PKIB: variants seen among roughly 807,000 people sequenced by gnomAD.
PKIB encodes the protein PKI-beta.
A neutral mutation model predicts 4.5 loss-of-function variants in PKIB; 2 were observed. The observed-to-expected ratio is 0.44, with a 90% CI of 0.18 to 1.39. The LOEUF is 1.39. PKIB is among the 40% of genes most tolerant of loss of function. PKIB has a pLI of 0.27. For synonymous variants in PKIB, 38 were observed against 36.0 expected (o/e 1.06, Z -0.20); for missense variants, 94 against 92.6 (o/e 1.02, Z -0.06).
intron 3 of PKIB, among the ~76,000 whole-genome samples, chr6:122,677,845 T>C (rs1191504885): frequency 2.7e-5 from 1 of 37,422 alleles, no homozygotes; most frequent in Admixed American, 3.1e-4. Flanking sequence ...TTTCTTTTCT[T>C]CCTTCCTTCC....
intron 3 of PKIB, among the ~76,000 whole-genome samples, chr6:122,590,993 A>T (rs1229387352): frequency 3.9e-5 from 6 of 152,048 alleles, no homozygotes; most frequent in African/African-American, 1.4e-4. Flanking sequence ...CTTATCATGG[A>T]GTATCTTTCA....
At chr6:122,520,470 GTC>G (rs1164547705) in intron 2 of PKIB, among the ~76,000 whole-genome samples, 2 of 152,152 alleles carry the variant, frequency 1.3e-5, no homozygotes, top group African/African-American at 4.8e-5. Context: ...TATCAAGAGT[GTC>G]TATTTACCAT....
Position 122,574,736 on chromosome 6 carries a change from A to G in PKIB, c.-247-11185A>G, listed in dbSNP as rs796237915. On this transcript the variant is annotated intron_variant, in intron 2 of 6. Transcript: ENST00000392491. Reference sequence around the variant, plus strand: ...ACTAGATCCTCATCTCTCACCTTCTACAAAAATCAACTCAAGATCAATCAA... The same window carrying G: ...ACTAGATCCTCATCTCTCACCTTCTGCAAAAATCAACTCAAGATCAATCAA... 4.1e-4 allele frequency among the ~76,000 whole-genome samples: 63 copies of G among 152,318 alleles called. 1 individual carries two copies. Among genetic ancestry groups the G allele is most frequent in the African/African-American group, 1.3e-3 (54 of 41,582 alleles).
At chr6:122,595,611 C>T (rs973871772) in intron 3 of PKIB, among the ~76,000 whole-genome samples, 9 of 152,160 alleles carry the variant, frequency 5.9e-5, no homozygotes, top group Non-Finnish European at 1.2e-4. Flanking sequence ...TCCAATATAA[C>T]CAACTTGCCA....
intron 2 of PKIB, among the ~76,000 whole-genome samples, chr6:122,635,417 A>T (rs6919740): frequency 0.34 from 51,582 of 151,882 alleles, 9,461 homozygotes; most frequent in Middle Eastern, 0.44. Context: ...TCTTATTTTC[A>T]TCAGCTATTT....
At position 122,561,994 on chromosome 6, in the gene PKIB, G is replaced by GTTTTTTTTTTTTTTTTTTTTTT; in HGVS notation, c.-247-23918_-247-23917insTTTTTTTTTTTTTTTTTTTTTT. Among the ~76,000 whole-genome samples the GTTTTTTTTTTTTTTTTTTTTTT allele has an allele frequency of 3.3e-3, 135 of 40,904 alleles. 19 individuals carry two copies. Among genetic ancestry groups the GTTTTTTTTTTTTTTTTTTTTTT allele is most frequent in the African/African-American group, 3.7e-3 (41 of 11,092 alleles). The allele number at this position is 40,904 out of a possible 152,430, so 26.8% of individuals were successfully genotyped here. On this transcript the variant is annotated intron_variant, in intron 2 of 6. Transcript: ENST00000392491. ...GCATAGTTTTTTTTTGTTTGTTTTT[G>GTTTTTTTTTTTTTTTTTTTTTT]TTTTTTTTTGTTTTTTTTTTTTTTT...
chr6:122,703,535 T>C (rs1307119644), intron 3 of PKIB, among the ~76,000 whole-genome samples: 1 of 151,982 alleles, frequency 6.6e-6, no homozygotes, highest in Non-Finnish European at 1.5e-5. Context: ...GATACTGTAA[T>C]ACAATGAACT....
chr6:122,599,986 TATATCTATATC>T (rs1358339406), intron 3 of PKIB, among the ~76,000 whole-genome samples: 12 of 82,266 alleles, frequency 1.5e-4, no homozygotes, highest in African/African-American at 8.0e-4. Context: ...TATCTATATC[TATATCTATATC>T]TATATCTATA....
upstream of PKIB, among the ~76,000 whole-genome samples, chr6:122,607,075 G>T (rs891221484): frequency 2.0e-5 from 3 of 147,442 alleles, no homozygotes; most frequent in African/African-American, 5.0e-5. Context: ...AGTCCCCTTG[G>T]TAAAAAAAAA....
intron 3 of PKIB, 136 bp from the exon 4 acceptor site, chr6:122,717,651 C>G: frequency 1.2e-6 from 1 of 832,310 alleles, no homozygotes; most frequent in Non-Finnish European, 1.9e-6. Flanking sequence ...TAACAGTAGA[C>G]ATTGATGAAG....
intron 3 of PKIB, among the ~76,000 whole-genome samples, chr6:122,678,259 G>A (rs1777763589): frequency 6.6e-6 from 1 of 152,184 alleles, no homozygotes; most frequent in African/African-American, 2.4e-5. Flanking sequence ...CCAGCTCTAT[G>A]AAAGTGAGAG....
chr6:122,647,882 C>A (rs955441692), intron 2 of PKIB, among the ~76,000 whole-genome samples: 1 of 152,222 alleles, frequency 6.6e-6, no homozygotes, highest in Admixed American at 6.5e-5. Flanking sequence ...CTTAGCCTGG[C>A]GGCGTGACCC....
upstream of PKIB, among the ~76,000 whole-genome samples, chr6:122,608,509 T>G (rs1031707625): frequency 2.0e-5 from 3 of 152,262 alleles, no homozygotes; most frequent in Non-Finnish European, 4.4e-5. Flanking sequence ...TTCTCCTTAC[T>G]TTCCTAGTAG....
chr6:122,507,845 T>C (rs1776461018), intron 2 of PKIB, among the ~76,000 whole-genome samples: 1 of 152,080 alleles, frequency 6.6e-6, no homozygotes, highest in Non-Finnish European at 1.5e-5. Flanking sequence ...CAGGTTTTTC[T>C]TTATGAACAT....
chr6:122,690,462 C>A (rs931870885), intron 3 of PKIB, among the ~76,000 whole-genome samples: 5 of 151,950 alleles, frequency 3.3e-5, no homozygotes, highest in African/African-American at 1.2e-4. Flanking sequence ...TATCTCATAA[C>A]CCGTTATGTT....
chr6:122,691,581 T>G (rs1778357681), intron 3 of PKIB, among the ~76,000 whole-genome samples: 1 of 151,740 alleles, frequency 6.6e-6, no homozygotes. Flanking sequence ...GATAGAATTC[T>G]GAATTGCTTC....
intron 1 of PKIB, among the ~76,000 whole-genome samples, chr6:122,619,324 A>G (rs1270842090): frequency 1.3e-5 from 2 of 152,160 alleles, no homozygotes; most frequent in Admixed American, 6.6e-5. Context: ...TACTTTTTAC[A>G]TCTTTTGTTT....
chr6:122,516,757 A>T (rs1334216119), intron 2 of PKIB, among the ~76,000 whole-genome samples: 5 of 152,238 alleles, frequency 3.3e-5, no homozygotes, highest in Non-Finnish European at 5.9e-5. Flanking sequence ...ATAAGGCAAT[A>T]CTAAAACAAG....
chr6:122,554,170 A>G (rs189229180), intron 2 of PKIB, among the ~76,000 whole-genome samples: 5 of 152,320 alleles, frequency 3.3e-5, no homozygotes, highest in Admixed American at 2.6e-4. Flanking sequence ...ATACACAAGG[A>G]CTACTAGACT....
Sources: allele counts gnomAD v4.1 joint callset (sites outside exome capture counted in the v4.1 genomes callset), GRCh38; gene constraint gnomAD v4.1.1; transcripts MANE v1.5; gene names NCBI Gene and HGNC (gene_info 2026-07-23, HGNC 2026-07-21).